The following TMEM178B variants were observed in gnomAD, a reference collection of about 807,000 sequenced individuals.
TMEM178B encodes the protein transmembrane protein 178B.
A neutral mutation model predicts 31.0 loss-of-function variants in TMEM178B; 5 were observed. That is an observed-to-expected ratio of 0.16 (90% CI 0.08 to 0.34). TMEM178B has a LOEUF of 0.34. Ranked by LOEUF, TMEM178B falls within the 10% of genes least tolerant of loss-of-function variation. TMEM178B has a pLI of 1.00. For missense variants in TMEM178B, 275 were observed against 400.3 expected, an observed-to-expected ratio of 0.69 and a Z score of 2.67; for synonymous variants, 164 against 164.0, an observed-to-expected ratio of 1.00 and a Z score of 0.00.
intron 2 of TMEM178B, among the ~76,000 whole-genome samples, chr7:141,306,404 G>GGT (rs1798816817): frequency 6.6e-6 from 1 of 152,096 alleles, no homozygotes; most frequent in Non-Finnish European, 1.5e-5. Flanking sequence ...GGGATCTGAA[G>GGT]GTACAGGTTC....
At chr7:141,510,178 G>C in the TMEM178B span, among the ~76,000 whole-genome samples, 5 of 152,302 alleles carry the variant, frequency 3.3e-5, no homozygotes, top group South Asian at 4.1e-4. Context: ...TGTGGTGACA[G>C]GGTTGGGCCC....
intron 2 of TMEM178B, among the ~76,000 whole-genome samples, chr7:141,250,736 A>G (rs1249279410): frequency 1.3e-5 from 2 of 152,164 alleles, no homozygotes; most frequent in Non-Finnish European, 1.5e-5. Context: ...CCTTCCCAAG[A>G]TGCACTAAAT....
At chr7:141,126,856 AGTGTGTGTGTGTGTGTGT>A (rs10600930) in intron 1 of TMEM178B, among the ~76,000 whole-genome samples, 1 of 145,584 alleles carries the variant, frequency 6.9e-6, no homozygotes, top group Admixed American at 6.9e-5. Flanking sequence ...ATCTTCTCAA[AGTGTGTGTGTGTGTGTGT>A]GTGTGTGTGT....
intron 2 of TMEM178B, among the ~76,000 whole-genome samples, chr7:141,338,145 A>G (rs920652998): frequency 1.3e-5 from 2 of 152,110 alleles, no homozygotes; most frequent in African/African-American, 4.8e-5. Context: ...CCGATTTGAT[A>G]TTTTTTAAAG....
At chr7:141,345,691 C>T (rs998512485) in intron 2 of TMEM178B, among the ~76,000 whole-genome samples, 5 of 152,152 alleles carry the variant, frequency 3.3e-5, no homozygotes, top group Non-Finnish European at 5.9e-5. Context: ...ACACTTATCT[C>T]TCGAAGAAAA....
chr7:141,257,784 G>A (rs1326603516), intron 2 of TMEM178B, among the ~76,000 whole-genome samples: 2 of 151,722 alleles, frequency 1.3e-5, no homozygotes, highest in Admixed American at 1.3e-4. Flanking sequence ...AATCTAGATG[G>A]ACAGTCTCTG....
intron 2 of TMEM178B, among the ~76,000 whole-genome samples, chr7:141,319,801 C>T (rs6945276): frequency 6.6e-6 from 1 of 152,040 alleles, no homozygotes; most frequent in African/African-American, 2.4e-5. Flanking sequence ...TTAGAGAAAG[C>T]GTGCTTGGGT....
At position 141,461,339 on chromosome 7, in the gene TMEM178B, T is replaced by C. The variant is rs531885891; in HGVS notation, c.635-9197T>C. 2.0e-3 allele frequency among the ~76,000 whole-genome samples: 302 copies of C among 152,272 alleles called. 9 individuals carry two copies. In the South Asian group the frequency reaches 0.032, roughly 16 times the overall value. ...ATAGCAACAAGAGAGGAAGCCAGGATTGGGGATCCGCAGACACCGTTCCAC... is the reference window on the plus strand; with the variant it reads ...ATAGCAACAAGAGAGGAAGCCAGGACTGGGGATCCGCAGACACCGTTCCAC... On this transcript the variant is annotated intron_variant, in intron 3 of 3. Transcript: ENST00000565468. The surrounding 1 kb of genome is among the most constrained non-coding windows in gnomAD (Gnocchi z 4.0).
chr7:141,257,459 C>T (rs546931124), intron 2 of TMEM178B, among the ~76,000 whole-genome samples: 2 of 152,298 alleles, frequency 1.3e-5, no homozygotes, highest in Non-Finnish European at 2.9e-5. Flanking sequence ...TCATGTTTTT[C>T]AGGAATATGA....
intron 1 of TMEM178B, among the ~76,000 whole-genome samples, chr7:141,090,442 T>G (rs1183483145): frequency 6.6e-6 from 1 of 152,226 alleles, no homozygotes; most frequent in Non-Finnish European, 1.5e-5. Context: ...AGTAATGTCC[T>G]CGGGTTGTCT....
chr7:141,325,556 C>T (rs1158695721), intron 2 of TMEM178B, among the ~76,000 whole-genome samples: 1 of 152,174 alleles, frequency 6.6e-6, no homozygotes, highest in Non-Finnish European at 1.5e-5. Context: ...AGGGATTGGG[C>T]TTATGGTCTG....
intron 2 of TMEM178B, among the ~76,000 whole-genome samples, chr7:141,255,031 A>G (rs945870176): frequency 3.3e-5 from 5 of 152,216 alleles, no homozygotes; most frequent in African/African-American, 1.2e-4. Flanking sequence ...GCTAGGGTGC[A>G]TTGTCTCTTG....
intron 2 of TMEM178B, among the ~76,000 whole-genome samples, chr7:141,250,020 C>A (rs937619910): frequency 6.6e-6 from 1 of 152,068 alleles, no homozygotes; most frequent in Non-Finnish European, 1.5e-5. Context: ...ATAAAACTCC[C>A]AAAATGAAAT....
intron 2 of TMEM178B, among the ~76,000 whole-genome samples, chr7:141,291,155 G>T (rs551277038): frequency 6.6e-6 from 1 of 152,286 alleles, no homozygotes; most frequent in South Asian, 2.1e-4. Flanking sequence ...TGGATTCGGA[G>T]AATGCTTTGC....
At chr7:141,087,885 A>T (rs1794814280) in intron 1 of TMEM178B, among the ~76,000 whole-genome samples, 1 of 152,182 alleles carries the variant, frequency 6.6e-6, no homozygotes, top group Non-Finnish European at 1.5e-5. Context: ...TTCAGTTTAT[A>T]CTGCTTTGAA....
At chr7:141,088,822 AT>A (rs748494288) in intron 1 of TMEM178B, among the ~76,000 whole-genome samples, 2 of 152,256 alleles carry the variant, frequency 1.3e-5, no homozygotes, top group Non-Finnish European at 2.9e-5. Context: ...AAGAAAAAAA[AT>A]AAACCTTAAA....
chr7:141,465,724 A>G (rs1472236501), intron 3 of TMEM178B, among the ~76,000 whole-genome samples: 2 of 152,176 alleles, frequency 1.3e-5, no homozygotes, highest in Non-Finnish European at 2.9e-5. Flanking sequence ...ATAAAAATAT[A>G]AATTATTGGC....
chr7:141,387,428 G>A (rs1800451829), intron 2 of TMEM178B, among the ~76,000 whole-genome samples: 1 of 152,100 alleles, frequency 6.6e-6, no homozygotes, highest in Non-Finnish European at 1.5e-5. Context: ...ATAGTCAGAG[G>A]AAGAAATTCT....
At chr7:141,232,055 G>A (rs1011633245) in intron 2 of TMEM178B, among the ~76,000 whole-genome samples, 3 of 152,132 alleles carry the variant, frequency 2.0e-5, no homozygotes, top group Non-Finnish European at 4.4e-5. Context: ...GTGAGAACAT[G>A]CGGTGTTTGG....
Sources: allele counts gnomAD v4.1 joint callset (sites outside exome capture counted in the v4.1 genomes callset), GRCh38; gene constraint gnomAD v4.1.1; non-coding constraint Gnocchi (gnomAD v3.1); transcripts MANE v1.5; gene names NCBI Gene and HGNC (gene_info 2026-07-23, HGNC 2026-07-21).